Variants in ERC2 observed in about 807,000 individuals in gnomAD.
ERC2 encodes ELKS/RAB6-interacting/CAST family member 2, also known as ERC protein 2.
ERC2 carries 42 observed loss-of-function variants against 114.8 expected under a neutral mutation model. The observed-to-expected ratio is 0.37, with a 90% confidence interval of 0.29 to 0.47. ERC2 has a LOEUF of 0.47. Ranked by LOEUF, ERC2 falls within the 20% of genes least tolerant of loss-of-function variation. The pLI is 0.99. For missense variants in ERC2, 939 were observed against 1,150.7 expected (o/e 0.82, Z 2.66); for synonymous variants, 454 against 425.5 (o/e 1.07, Z -0.82).
In ERC2 at chr3:55,753,642, T is replaced by A. The variant is rs542584892; in HGVS notation, c.2565-18724A>T. Reference sequence around the variant, plus strand: ...GTTGGTGTAAAATCACCAGTCCGAATGGCTAATGGGAATTTCACTGGGGCA... The same window carrying A: ...GTTGGTGTAAAATCACCAGTCCGAAAGGCTAATGGGAATTTCACTGGGGCA... On this transcript the variant is annotated intron_variant, in intron 14 of 17. Transcript: ENST00000288221. Among the ~76,000 whole-genome samples, 58 of 152,314 alleles carry A rather than the reference T, an allele frequency of 3.8e-4. 1 individual carries two copies. In the South Asian group the frequency reaches 0.012, roughly 31 times the overall value.
At chr3:56,166,190 G>A (rs182301877) in intron 4 of ERC2, among the ~76,000 whole-genome samples, 8 of 152,050 alleles carry the variant, frequency 5.3e-5, no homozygotes, top group Admixed American at 5.2e-4. Context: ...TGGATAACAT[G>A]ATTGATAGCC....
intron 14 of ERC2, among the ~76,000 whole-genome samples, chr3:55,778,476 G>A (rs1450642875): frequency 6.6e-6 from 1 of 152,094 alleles, no homozygotes; most frequent in Admixed American, 6.6e-5. Context: ...CTTGGCATGG[G>A]GAGGTCTTTT....
At chr3:56,007,109 A>G (rs931069403) in intron 10 of ERC2, 72 bp downstream of exon 10, 2 of 1,380,738 alleles carry the variant, frequency 1.4e-6, no homozygotes, top group Non-Finnish European at 1.9e-6. Context: ...CTTTTTAAAA[A>G]CGTCTCTTCC....
chr3:55,985,854 G>T (rs986951891), intron 12 of ERC2, 123 bp downstream of exon 12: 1 of 836,386 alleles, frequency 1.2e-6, no homozygotes, highest in Non-Finnish European at 1.9e-6. Context: ...GGAATGAAAT[G>T]AGCGGGGGGA....
At chr3:56,389,984 GC>G (rs2060070145) in intron 2 of ERC2, among the ~76,000 whole-genome samples, 1 of 152,100 alleles carries the variant, frequency 6.6e-6, no homozygotes, top group African/African-American at 2.4e-5. Flanking sequence ...CTTAAATAGG[GC>G]TGAAATTTTA....
intron 2 of ERC2, among the ~76,000 whole-genome samples, chr3:56,389,858 G>A (rs1004410127): frequency 2.6e-5 from 4 of 152,118 alleles, no homozygotes; most frequent in African/African-American, 9.7e-5. Context: ...CCTTTAACTA[G>A]GAAGGGTAGG....
At chr3:56,303,154 TA>T (rs2055998313) in intron 2 of ERC2, among the ~76,000 whole-genome samples, 4 of 152,228 alleles carry the variant, frequency 2.6e-5, no homozygotes, top group African/African-American at 9.6e-5. Context: ...TGGAGGAAAG[TA>T]AAGCAACTGT....
At chr3:55,849,858 C>G (rs377481039) in intron 14 of ERC2, among the ~76,000 whole-genome samples, 23 of 152,290 alleles carry the variant, frequency 1.5e-4, no homozygotes, top group African/African-American at 5.3e-4. Context: ...AAAACAACAA[C>G]AATAATAATG....
At chr3:56,102,032 T>C (rs1044972600) in intron 6 of ERC2, among the ~76,000 whole-genome samples, 3 of 152,242 alleles carry the variant, frequency 2.0e-5, no homozygotes, top group Non-Finnish European at 2.9e-5. Flanking sequence ...TCAATAACAA[T>C]TGTTACCAGA....
In ERC2 at chr3:56,237,841, A is replaced by G. The variant is rs147086300; in HGVS notation, c.1074+58178T>C. 2.8e-3 allele frequency among the ~76,000 whole-genome samples: 424 copies of G among 152,056 alleles called. 1 individual carries two copies. Among genetic ancestry groups the G allele is most frequent in the African/African-American group, 9.8e-3 (405 of 41,496 alleles). ...AAAGAAAACCTAAGATGGGATGATA[A>G]CAATGTGAATTATACCCTATTTAAA... is the stretch of plus-strand genomic sequence containing the variant. On this transcript the variant is annotated intron_variant, in intron 3 of 17. Coordinates refer to ENST00000288221, the MANE Select transcript of ERC2 (RefSeq NM_015576.3).
chr3:56,346,188 A>G (rs1168338924), intron 2 of ERC2, among the ~76,000 whole-genome samples: 1 of 152,214 alleles, frequency 6.6e-6, no homozygotes, highest in African/African-American at 2.4e-5. Context: ...CACGCTATAT[A>G]TATATTAAAA....
At chr3:56,118,636 C>CTTTTTTTTT (rs66888697) in intron 6 of ERC2, among the ~76,000 whole-genome samples, 1 of 127,886 alleles carries the variant, frequency 7.8e-6, no homozygotes, top group Admixed American at 8.2e-5. Flanking sequence ...TATTCCTTTT[C>CTTTTTTTTT]TTTTTTTTTT....
chr3:55,830,143 C>T (rs967667773), intron 14 of ERC2, among the ~76,000 whole-genome samples: 3 of 152,276 alleles, frequency 2.0e-5, no homozygotes, highest in Non-Finnish European at 4.4e-5. Flanking sequence ...TGACTGTGTA[C>T]CTCTCTCAGA....
At chr3:56,443,926 A>G (rs1476639885) in intron 1 of ERC2, among the ~76,000 whole-genome samples, 1 of 141,570 alleles carries the variant, frequency 7.1e-6, no homozygotes, top group African/African-American at 2.6e-5. Flanking sequence ...CAGTCATTGG[A>G]CTTTTTTGTG....
chr3:56,178,894 C>T (rs2083129280), intron 3 of ERC2, among the ~76,000 whole-genome samples: 1 of 152,080 alleles, frequency 6.6e-6, no homozygotes. Flanking sequence ...TCAATTACAA[C>T]TTCCAATAGG....
chr3:55,549,958 G>C (rs201708010), intron 17 of ERC2, among the ~76,000 whole-genome samples: 7 of 97,390 alleles, frequency 7.2e-5, no homozygotes, highest in Non-Finnish European at 9.5e-5. Flanking sequence ...GAGAGAGAGA[G>C]ACAGAGAGAG....
At chr3:56,271,305 G>A (rs573234211) in intron 3 of ERC2, among the ~76,000 whole-genome samples, 52 of 152,264 alleles carry the variant, frequency 3.4e-4, no homozygotes, top group African/African-American at 1.2e-3. Context: ...CATCCTACAG[G>A]AGCAATGACA....
At chr3:56,212,930 G>A (rs1025667027) in intron 3 of ERC2, among the ~76,000 whole-genome samples, 1 of 152,142 alleles carries the variant, frequency 6.6e-6, no homozygotes, top group African/African-American at 2.4e-5. Flanking sequence ...ACTCAGGAAT[G>A]GAAAAACAAA....
intron 14 of ERC2, among the ~76,000 whole-genome samples, chr3:55,749,988 A>T (rs982078879): frequency 2.0e-5 from 3 of 152,214 alleles, no homozygotes; most frequent in African/African-American, 7.2e-5. Flanking sequence ...AGATATCTTT[A>T]AGGATGACTG....
Sources: allele counts gnomAD v4.1 joint callset (sites outside exome capture counted in the v4.1 genomes callset), GRCh38; gene constraint gnomAD v4.1.1; transcripts MANE v1.5; gene names NCBI Gene and HGNC (gene_info 2026-07-23, HGNC 2026-07-21).